Variants in ATAD2B observed in about 807,000 individuals in gnomAD.
ATAD2B encodes ATPase family AAA domain-containing protein 2B.
ATAD2B carries 40 observed loss-of-function variants against 167.6 expected under a neutral mutation model. That is an observed-to-expected ratio of 0.24 (90% CI 0.19 to 0.31). The LOEUF (loss-of-function observed/expected upper bound fraction) is 0.31. ATAD2B is among the 10% of genes least tolerant of loss of function. The pLI is 1.00. For missense variants in ATAD2B, 1,242 were observed against 1,757.2 expected, an observed-to-expected ratio of 0.71 and a Z score of 5.24; for synonymous variants, 579 against 596.5, an observed-to-expected ratio of 0.97 and a Z score of 0.43.
chr2:23,713,249 G>A, the ATAD2B span, among the ~76,000 whole-genome samples: 25 of 152,372 alleles, frequency 1.6e-4, no homozygotes, highest in African/African-American at 5.8e-4. Context: ...TAGGGTGTTA[G>A]CCCTGGGACT....
intron 12 of ATAD2B, among the ~76,000 whole-genome samples, chr2:23,862,360 C>T (rs1694512818): frequency 6.6e-6 from 1 of 150,580 alleles, no homozygotes; most frequent in Non-Finnish European, 1.5e-5. Context: ...CAGCATCCTT[C>T]ACTAACTCAA....
the ATAD2B span, among the ~76,000 whole-genome samples, chr2:23,737,849 C>T: frequency 1.3e-5 from 2 of 152,146 alleles, no homozygotes; most frequent in East Asian, 3.9e-4. Flanking sequence ...CAGAGAAGTC[C>T]TTAAAGGACC....
intron 1 of ATAD2B, among the ~76,000 whole-genome samples, chr2:23,914,152 G>A (rs1213284449): frequency 2.6e-5 from 4 of 152,018 alleles, no homozygotes; most frequent in African/African-American, 9.7e-5. Flanking sequence ...CAACAGAAAA[G>A]AACAGAGAGA....
Position 23,894,200 on chromosome 2 carries a change from G to A in ATAD2B, c.368+1619C>T, listed in dbSNP as rs192219157. Among the ~76,000 whole-genome samples the A allele has an allele frequency of 1.2e-3, 176 of 151,678 alleles. 1 individual carries two copies. The highest frequency in any genetic ancestry group is 4.2e-3 in the African/African-American group (172 of 41,314). ...ATGAAAGACTTCTATATGAAATATC[G>A]GCCAGGCACGGTGGCTCGTGCCTGT... On this transcript the variant is annotated intron_variant, in intron 2 of 27. Transcript: ENST00000238789.
chr2:23,758,324 T>G (rs1254846553), intron 24 of ATAD2B, among the ~76,000 whole-genome samples: 1 of 152,220 alleles, frequency 6.6e-6, no homozygotes, highest in East Asian at 1.9e-4. Context: ...TTTTAATGTA[T>G]TTCCTGTATG....
Position 23,857,520 on chromosome 2 carries a change from A to G in ATAD2B, c.1480-17T>C, listed in dbSNP as rs1410219089. 8.7e-7 allele frequency: 1 copy of G among 1,150,112 alleles called. No homozygotes were observed. The highest frequency in any genetic ancestry group is 1.2e-6 in the Non-Finnish European group (1 of 843,354). The allele number at this position is 1,150,112 out of a possible 1,614,324, so 71.2% of individuals were successfully genotyped here. A position where few individuals can be genotyped will look rare whatever the true frequency, so the allele number is the denominator to read the frequency against. On this transcript the variant is annotated splice_polypyrimidine_tract_variant and intron_variant, in intron 12 of 27. Coordinates refer to ENST00000238789, the MANE Select transcript of ATAD2B (RefSeq NM_017552.4). ...CAAATATGCCTAGTAAGAAGAAAAC[A>G]AATAATATTTATTGTATTTGTTTTC...
chr2:23,819,510 T>C (rs72782133), intron 17 of ATAD2B, among the ~76,000 whole-genome samples: 17,415 of 144,310 alleles, frequency 0.12, 1,148 homozygotes, highest in Middle Eastern at 0.22. Context: ...AAAAAAAAAG[T>C]AAAGTAGCAG....
At chr2:23,712,048 A>T in the ATAD2B span, among the ~76,000 whole-genome samples, 2 of 152,162 alleles carry the variant, frequency 1.3e-5, no homozygotes, top group East Asian at 3.9e-4. Flanking sequence ...GTTGAGTTTC[A>T]TGCTCATTAC....
chr2:23,765,578 T>A lies in ATAD2B; in HGVS notation c.3184A>T (p.Ile1062Phe), dbSNP rs142330543. 1 of 1,568,482 alleles carries A rather than the reference T, an allele frequency of 6.4e-7. No homozygotes were observed. The highest frequency in any genetic ancestry group is 8.7e-7 in the Non-Finnish European group (1 of 1,152,020). The change falls in exon 23 of 28, where the codon ATC becomes TTC. Residue 1062 changes from isoleucine (I) to phenylalanine (F), a missense_variant. Coordinates refer to ENST00000238789, the MANE Select transcript of ATAD2B (RefSeq NM_017552.4). The part of the protein sequence containing the change: ...ACTLKDTAHA[I>F]IAAELDPEFN... Reference sequence around the variant, plus strand: ...TCTGGATCTAATTCAGCTGCAATGATAGCATGTGCAGTGTCCTTCAGGGTA... The same window carrying A: ...TCTGGATCTAATTCAGCTGCAATGAAAGCATGTGCAGTGTCCTTCAGGGTA...
intron 13 of ATAD2B, among the ~76,000 whole-genome samples, chr2:23,841,681 A>G (rs901530477): frequency 6.6e-6 from 1 of 151,700 alleles, no homozygotes; most frequent in Non-Finnish European, 1.5e-5. Context: ...ACACTCAGCT[A>G]ATTTTTTTAT....
downstream of ATAD2B, among the ~76,000 whole-genome samples, chr2:23,746,030 G>T (rs1674860616): frequency 6.6e-6 from 1 of 152,216 alleles, no homozygotes; most frequent in African/African-American, 2.4e-5. Context: ...TGCTTCTGTT[G>T]TTCCTTCTGC....
intron 1 of ATAD2B, among the ~76,000 whole-genome samples, chr2:23,897,475 A>C (rs1558758075): frequency 6.6e-6 from 1 of 152,312 alleles, no homozygotes; most frequent in East Asian, 1.9e-4. Flanking sequence ...CAAATACCAC[A>C]AAGATAGTGA....
chr2:23,744,049 C>A (rs1485369379), downstream of ATAD2B, among the ~76,000 whole-genome samples: 1 of 152,070 alleles, frequency 6.6e-6, no homozygotes, highest in Non-Finnish European at 1.5e-5. Flanking sequence ...TTTACATAGA[C>A]ACAATAATGC....
At chr2:23,833,820 A>G (rs972705001) in intron 14 of ATAD2B, 99 bp downstream of exon 14, 2 of 998,282 alleles carry the variant, frequency 2.0e-6, no homozygotes, top group Non-Finnish European at 2.9e-6. Context: ...TAAGCAGAAA[A>G]TCTGAACAAT....
In ATAD2B at chr2:23,835,521, T is replaced by C. The variant is rs182587587; in HGVS notation, c.1569-1443A>G. ...AGAGCTTGGAAGGATGAGGGGAAGG[T>C]TGGGAGTTATGGCTAAAGGGTTTAA... On this transcript the variant is annotated intron_variant, in intron 13 of 27. Coordinates refer to ENST00000238789, the MANE Select transcript of ATAD2B (RefSeq NM_017552.4). Among the ~76,000 whole-genome samples the C allele has an allele frequency of 1.8e-4, 28 of 152,086 alleles. No homozygotes were observed. The East Asian group carries it at 4.8e-3, about 26-fold the overall frequency.
At position 23,762,184 on chromosome 2, in the gene ATAD2B, G is replaced by A. The variant is rs564528150; in HGVS notation, c.3394+25C>T. 1.7e-5 allele frequency: 27 copies of A among 1,610,566 alleles called. No homozygotes were observed. The East Asian group carries it at 5.4e-4, about 32-fold the overall frequency. Reference sequence around the variant, plus strand: ...ATCATTCTCAGTTGTTCTCACTACTGGATAACATGAGCTGAAATACTCACA... The same window carrying A: ...ATCATTCTCAGTTGTTCTCACTACTAGATAACATGAGCTGAAATACTCACA... On this transcript the variant is annotated intron_variant, in intron 24 of 27. Transcript: ENST00000238789.
Position 23,810,196 on chromosome 2 carries a change from A to G in ATAD2B, c.2454+120T>C, listed in dbSNP as rs112921279. The G allele has an allele frequency of 2.0e-5, 18 of 878,362 alleles. No individual in the cohort carries two copies. The African/African-American group carries it at 2.2e-4, about 11-fold the overall frequency. 54.4% of individuals were successfully genotyped at this position (878,362 alleles called of 1,614,324 possible). A position where few individuals can be genotyped will look rare whatever the true frequency, so the allele number is the denominator to read the frequency against. ...CTAGAATGCTAATGAATAATCAACA[A>G]AAAGTTAATATTCATATCGTACTCT... is the stretch of plus-strand genomic sequence containing the variant. On this transcript the variant is annotated intron_variant, in intron 18 of 27. Coordinates refer to ENST00000238789, the MANE Select transcript of ATAD2B (RefSeq NM_017552.4).
the ATAD2B span, chr2:23,703,489 C>A: frequency 9.0e-7 from 1 of 1,112,072 alleles, no homozygotes; most frequent in Non-Finnish European, 1.2e-6. Context: ...GCTCTGCAGA[C>A]CCAGATCTAG....
In ATAD2B at chr2:23,926,731, A is replaced by C. The variant is rs1441148353; in HGVS notation, c.40T>G (p.Ser14Ala). ...TRKSSLRLLG[S>A]KSPGPGPGPG... Reference sequence around the variant, plus strand: ...CCAGGCCCGGGACCAGGAGACTTGGACCCGAGAAGGCGGAGAGAGCTCTTC... The same window carrying C: ...CCAGGCCCGGGACCAGGAGACTTGGCCCCGAGAAGGCGGAGAGAGCTCTTC... The change falls in exon 1 of 28, where the codon TCC becomes GCC. Residue 14 changes from serine (S) to alanine (A), a missense_variant. Around this residue, in one of 9 missense-constraint regions of ATAD2B, gnomAD observed 199 missense variants for 194.9 expected, o/e 1.02. Coordinates refer to ENST00000238789, the MANE Select transcript of ATAD2B (RefSeq NM_017552.4). The C allele has an allele frequency of 1.1e-5, 17 of 1,548,302 alleles. No individual in the cohort carries two copies. Among genetic ancestry groups the C allele is most frequent in the Non-Finnish European group, 1.4e-5 (16 of 1,146,390 alleles).
Sources: allele counts gnomAD v4.1 joint callset (sites outside exome capture counted in the v4.1 genomes callset), GRCh38; gene constraint gnomAD v4.1.1; regional missense constraint gnomAD v4.1.1; transcripts MANE v1.5; gene names NCBI Gene and HGNC (gene_info 2026-07-23, HGNC 2026-07-21).